The following NET1 variants were observed in gnomAD, a reference collection of about 807,000 sequenced individuals.
NET1 encodes neuroepithelial cell transforming 1, also known as neuroepithelial cell-transforming gene 1 protein.
NET1 carries 42 observed loss-of-function variants against 61.1 expected under a neutral mutation model. That is an observed-to-expected ratio of 0.69 (90% CI 0.54 to 0.89). The LOEUF is 0.89. Among genes scored for constraint, NET1 ranks in the 40% least tolerant of loss-of-function variants. NET1 has a pLI of 0.00. For synonymous variants in NET1, 254 were observed against 281.8 expected, an observed-to-expected ratio of 0.90 and a Z score of 0.99; for missense variants, 654 against 747.3, an observed-to-expected ratio of 0.88 and a Z score of 1.46.
At chr10:5,436,338 T>C (rs1832438847) in intron 3 of NET1, among the ~76,000 whole-genome samples, 1 of 141,836 alleles carries the variant, frequency 7.1e-6, no homozygotes, top group African/African-American at 2.6e-5. Context: ...GGTTCACTGC[T>C]CACTGCAGCC....
In NET1 at chr10:5,453,383, A is replaced by G; in HGVS notation, c.691+37A>G. The G allele has an allele frequency of 1.9e-6, 3 of 1,572,608 alleles. No individual in the cohort carries two copies. The highest frequency in any genetic ancestry group is 2.6e-6 in the Non-Finnish European group (3 of 1,142,140). On this transcript the variant is annotated intron_variant, in intron 7 of 11. Transcript: ENST00000355029. This position sits in a 1 kb window ranked among gnomAD's most constrained non-coding sequence, Gnocchi z 4.9. ...CACTTAATTGTCATTAAATCTAAAG[A>G]GCAGCGGTGCATGTAATTTTCAGTC...
Position 5,412,874 on chromosome 10 carries a change from G to A in NET1, c.128+54G>A. 1 of 1,310,724 alleles carries A rather than the reference G, an allele frequency of 7.6e-7. No individual in the cohort carries two copies. Among genetic ancestry groups the A allele is most frequent in the Non-Finnish European group, 9.7e-7 (1 of 1,031,226 alleles). The allele number at this position is 1,310,724 out of a possible 1,614,324, so 81.2% of individuals were successfully genotyped here. ...GGGAGGTGAGTGTAGGGGAGCGGAGGGCCGAACGGGAGGTGAGTGTTGGAG... is the reference window on the plus strand; with the variant it reads ...GGGAGGTGAGTGTAGGGGAGCGGAGAGCCGAACGGGAGGTGAGTGTTGGAG... On this transcript the variant is annotated intron_variant, in intron 1 of 11. Transcript: ENST00000355029. The surrounding 1 kb of genome is among the most constrained non-coding windows in gnomAD (Gnocchi z 6.5).
At chr10:5,419,784 A>G (rs1410418994) in intron 1 of NET1, among the ~76,000 whole-genome samples, 1 of 151,900 alleles carries the variant, frequency 6.6e-6, no homozygotes, top group Non-Finnish European at 1.5e-5. Context: ...GATAATTTTG[A>G]TAGTATAGGA....
rs763496794 is a variant in NET1 at position 5,446,735 on chromosome 10, T to TTGG, written c.256-5094_256-5092dup. The stretch of plus-strand genomic sequence containing the variant: ...ACAGCGCTGACTCGGTGTGGATTGA[T>TTGG]TGGAAAGGTTTGAGGGAGTACTTGG... On this transcript the variant is annotated intron_variant, in intron 3 of 11. Transcript: ENST00000355029. This position sits in a 1 kb window ranked among gnomAD's most constrained non-coding sequence, Gnocchi z 5.0. 4 of 1,575,462 alleles carry TTGG rather than the reference T, an allele frequency of 2.5e-6. No homozygotes were observed. The highest frequency in any genetic ancestry group is 3.5e-6 in the Non-Finnish European group (4 of 1,156,862).
In NET1 at chr10:5,439,941, T is replaced by C. The variant is rs986868644; in HGVS notation, c.255+10712T>C. The stretch of plus-strand genomic sequence containing the variant: ...TATAGCAGATACTGCCTCCAAAAGA[T>C]GAAGAGTCCTGCTAGCACTGTGCCT... On this transcript the variant is annotated intron_variant, in intron 3 of 11. Coordinates refer to ENST00000355029, the MANE Select transcript of NET1 (RefSeq NM_001047160.3). This position sits in a 1 kb window ranked among gnomAD's most constrained non-coding sequence, Gnocchi z 4.8. 1.3e-5 allele frequency among the ~76,000 whole-genome samples: 2 copies of C among 152,202 alleles called. No individual in the cohort carries two copies. The highest frequency in any genetic ancestry group is 1.3e-4 in the Admixed American group (2 of 15,276).
At position 5,446,924 on chromosome 10, in the gene NET1, T is replaced by G; in HGVS notation, c.256-4906T>G. 7.5e-7 allele frequency: 1 copy of G among 1,339,684 alleles called. No individual in the cohort carries two copies. The highest frequency in any genetic ancestry group is 1.5e-5 in the African/African-American group (1 of 68,640). 83.0% of individuals were successfully genotyped at this position (1,339,684 alleles called of 1,614,324 possible). On this transcript the variant is annotated intron_variant, in intron 3 of 11. Transcript: ENST00000355029. The surrounding 1 kb of genome is among the most constrained non-coding windows in gnomAD (Gnocchi z 5.0). ...CTAACTCCACGGAGCTTTTAAAATTTTTAACAAGGTATTAACAGTATAATT... is the reference window on the plus strand; with the variant it reads ...CTAACTCCACGGAGCTTTTAAAATTGTTAACAAGGTATTAACAGTATAATT...
chr10:5,446,876 A>C lies in NET1; in HGVS notation c.256-4954A>C. ...AACAAGAGGTAAGACTTTAAGAGAA[A>C]CGTTAGGCAAAAGGAATGTTTTCTA... On this transcript the variant is annotated intron_variant, in intron 3 of 11. Coordinates refer to ENST00000355029, the MANE Select transcript of NET1 (RefSeq NM_001047160.3). The surrounding 1 kb of genome is among the most constrained non-coding windows in gnomAD (Gnocchi z 5.0). 6.3e-7 allele frequency: 1 copy of C among 1,587,952 alleles called. No individual in the cohort carries two copies. Among genetic ancestry groups the C allele is most frequent in the Non-Finnish European group, 8.6e-7 (1 of 1,163,874 alleles).
rs568029357 is a variant in NET1, at chr10:5,446,906, C to T, written c.256-4924C>T. ...AGGCAAAAGGAATGTTTTCTAACTC[C>T]ACGGAGCTTTTAAAATTTTTAACAA... is the stretch of plus-strand genomic sequence containing the variant. On this transcript the variant is annotated intron_variant, in intron 3 of 11. Transcript: ENST00000355029. This position sits in a 1 kb window ranked among gnomAD's most constrained non-coding sequence, Gnocchi z 5.0. The T allele has an allele frequency of 1.3e-6, 2 of 1,507,518 alleles. No homozygotes were observed. The highest frequency in any genetic ancestry group is 2.5e-5 in the South Asian group (2 of 80,738). 93.4% of individuals were successfully genotyped at this position (1,507,518 alleles called of 1,614,324 possible).
At chr10:5,450,981 G>T (rs1832693652) in intron 3 of NET1, among the ~76,000 whole-genome samples, 1 of 152,144 alleles carries the variant, frequency 6.6e-6, no homozygotes, top group Admixed American at 6.5e-5. Context: ...TTTGAGAGAG[G>T]ATCTAATTTA....
rs542152798 is a variant in NET1 at position 5,422,927 on chromosome 10, A to C, written c.129-3728A>C. ...ATTGAGAACCTCAGTTGCTTGGCAC[A>C]CCCCAAATGTAAAAAGTGTTAACTG... is the stretch of plus-strand genomic sequence containing the variant. On this transcript the variant is annotated intron_variant, in intron 1 of 11. Transcript: ENST00000355029. The surrounding 1 kb of genome is among the most constrained non-coding windows in gnomAD (Gnocchi z 4.1). Among the ~76,000 whole-genome samples, 5 of 152,328 alleles carry C rather than the reference A, an allele frequency of 3.3e-5. No homozygotes were observed. Among genetic ancestry groups the C allele is most frequent in the Middle Eastern group, 3.4e-3 (1 of 294 alleles).
Position 5,447,685 on chromosome 10 carries a change from G to A in NET1, c.256-4145G>A, listed in dbSNP as rs1254743126. 6.6e-6 allele frequency among the ~76,000 whole-genome samples: 1 copy of A among 152,196 alleles called. No individual in the cohort carries two copies. The highest frequency in any genetic ancestry group is 1.5e-5 in the Non-Finnish European group (1 of 68,038). On this transcript the variant is annotated intron_variant, in intron 3 of 11. Transcript: ENST00000355029. The surrounding 1 kb of genome is among the most constrained non-coding windows in gnomAD (Gnocchi z 4.1). ...ATACCCCAGCAAAGTTGCTTGTCAT[G>A]TGTACACATACACACACCTTTTGGT...
In NET1 at chr10:5,435,522, T is replaced by TAGAC. The variant is rs1195523359; in HGVS notation, c.255+6296_255+6297insCAGA. ...ATAGATAGATAGATAGATAGATAGA[T>TAGAC]AGATAGATAGACAGACAGACAGATA... On this transcript the variant is annotated intron_variant, in intron 3 of 11. Coordinates refer to ENST00000355029, the MANE Select transcript of NET1 (RefSeq NM_001047160.3). The surrounding 1 kb of genome is among the most constrained non-coding windows in gnomAD (Gnocchi z 5.0). 3.1e-5 allele frequency among the ~76,000 whole-genome samples: 1 copy of TAGAC among 32,696 alleles called. No homozygotes were observed. The highest frequency in any genetic ancestry group is 7.9e-5 in the African/African-American group (1 of 12,700). The allele number at this position is 32,696 out of a possible 152,430, so 21.4% of individuals were successfully genotyped here. A position where few individuals can be genotyped will look rare whatever the true frequency, so the allele number is the denominator to read the frequency against.
Position 5,454,233 on chromosome 10 carries a change from C to A in NET1, c.769-32C>A. 6.3e-7 allele frequency: 1 copy of A among 1,590,444 alleles called. No individual in the cohort carries two copies. Among genetic ancestry groups the A allele is most frequent in the South Asian group, 1.2e-5 (1 of 86,830 alleles). ...TTAATGCACTCGGTCATAACAGGAA[C>A]ACATCATACCTTTTCTTTTATTACT... On this transcript the variant is annotated intron_variant, in intron 8 of 11. Transcript: ENST00000355029. This position sits in a 1 kb window ranked among gnomAD's most constrained non-coding sequence, Gnocchi z 8.1.
At chr10:5,438,828 G>A (rs1410511083) in intron 3 of NET1, among the ~76,000 whole-genome samples, 1 of 152,196 alleles carries the variant, frequency 6.6e-6, no homozygotes, top group Non-Finnish European at 1.5e-5. Flanking sequence ...GGCAGGTTAG[G>A]CATTCACCAG....
chr10:5,433,144 A>C (rs560492647), intron 3 of NET1, among the ~76,000 whole-genome samples: 1 of 152,324 alleles, frequency 6.6e-6, no homozygotes, highest in South Asian at 2.1e-4. Flanking sequence ...TTTAGCCATT[A>C]CGAGCTATAC....
rs1832210880 is a variant in NET1, at chr10:5,423,461, T to C, written c.129-3194T>C. On this transcript the variant is annotated intron_variant, in intron 1 of 11. Transcript: ENST00000355029. The surrounding 1 kb of genome is among the most constrained non-coding windows in gnomAD (Gnocchi z 4.4). The stretch of plus-strand genomic sequence containing the variant: ...ATACATTGTTCAAAAACATACCAAA[T>C]GATATGAAAGGAAAACATTAAAGGC... Among the ~76,000 whole-genome samples, 1 of 152,124 alleles carries C rather than the reference T, an allele frequency of 6.6e-6. No homozygotes were observed. Among genetic ancestry groups the C allele is most frequent in the African/African-American group, 2.4e-5 (1 of 41,442 alleles).
At chr10:5,428,105 A>G (rs1286187046) in intron 2 of NET1, among the ~76,000 whole-genome samples, 9 of 139,194 alleles carry the variant, frequency 6.5e-5, no homozygotes, top group African/African-American at 1.1e-4. Context: ...TTTTGATTCA[A>G]TTCCCAGCAG....
Position 5,452,202 on chromosome 10 carries a change from T to C in NET1, c.364-156T>C, listed in dbSNP as rs777465051. ...AATGTAATTTTAGCTGATAAATATT[T>C]AAGATTGGTAGGTGGAAACTTGGAT... is the stretch of plus-strand genomic sequence containing the variant. On this transcript the variant is annotated intron_variant, in intron 4 of 11. Transcript: ENST00000355029. This position sits in a 1 kb window ranked among gnomAD's most constrained non-coding sequence, Gnocchi z 4.0. Among the ~76,000 whole-genome samples the C allele has an allele frequency of 2.0e-4, 31 of 152,240 alleles. No individual in the cohort carries two copies. Among genetic ancestry groups the C allele is most frequent in the Non-Finnish European group, 4.3e-4 (29 of 68,044 alleles).
In NET1 at chr10:5,451,134, C is replaced by G. The variant is rs1316440734; in HGVS notation, c.256-696C>G. Among the ~76,000 whole-genome samples the G allele has an allele frequency of 2.6e-5, 4 of 152,146 alleles. No homozygotes were observed. Among genetic ancestry groups the G allele is most frequent in the Non-Finnish European group, 5.9e-5 (4 of 68,024 alleles). On this transcript the variant is annotated intron_variant, in intron 3 of 11. Coordinates refer to ENST00000355029, the MANE Select transcript of NET1 (RefSeq NM_001047160.3). This position sits in a 1 kb window ranked among gnomAD's most constrained non-coding sequence, Gnocchi z 6.1. ...CAACAACTTCATAAGAGAAGTGCTA[C>G]TTTTAGCCCCATTTTATAGATGAGA...
Sources: gnomAD v4.1 joint callset for allele counts (sites outside exome capture counted in the v4.1 genomes callset) on GRCh38, gnomAD v4.1.1 for gene constraint, Gnocchi (gnomAD v3.1) non-coding constraint, MANE v1.5 for transcripts, NCBI Gene and HGNC (gene_info 2026-07-23, HGNC 2026-07-21) for gene names.